Variants in ARMC3 observed in about 807,000 individuals in gnomAD.
ARMC3 encodes armadillo repeat-containing protein 3.
A neutral mutation model predicts 90.3 loss-of-function variants in ARMC3; 74 were observed. The ratio of observed to expected loss-of-function variants is 0.82; its 90% CI spans 0.68 to 0.99. ARMC3 has a LOEUF of 0.99. Ranked by LOEUF, ARMC3 falls within the 50% of genes least tolerant of loss-of-function variation. The pLI is 0.00. For synonymous variants in ARMC3, 334 were observed against 361.8 expected, an observed-to-expected ratio of 0.92 and a Z score of 0.87; for missense variants, 958 against 1,042.8, an observed-to-expected ratio of 0.92 and a Z score of 1.12.
chr10:23,009,038 A>G, intron 16 of ARMC3, 107 bp downstream of exon 16: 1 of 775,758 alleles, frequency 1.3e-6, no homozygotes, highest in Non-Finnish European at 2.1e-6. Context: ...GAACCAGGCA[A>G]GACTCATGAG....
intron 16 of ARMC3, among the ~76,000 whole-genome samples, chr10:23,027,930 C>T (rs564670302): frequency 6.6e-6 from 1 of 152,150 alleles, no homozygotes; most frequent in East Asian, 1.9e-4. Context: ...CGCTTGAGCT[C>T]AGGAGTTGGA....
At position 22,998,295 on chromosome 10, in the gene ARMC3, G is replaced by A. The variant is rs145890690; in HGVS notation, c.1323G>A (p.Met441Ile). The A allele has an allele frequency of 4.4e-5, 71 of 1,612,526 alleles. No individual in the cohort carries two copies. Among genetic ancestry groups the A allele is most frequent in the Non-Finnish European group, 5.9e-5 (69 of 1,179,270 alleles). Residue 441 changes from methionine (M) to isoleucine (I), a missense_variant, in exon 11 of 19, where the codon ATG becomes ATA. Physicochemically the swap from Met to Ile is conservative, Grantham distance 10 (BLOSUM62 1). Coordinates refer to ENST00000298032, the MANE Select transcript of ARMC3 (RefSeq NM_173081.5). ...LRLNIQNHDI[M>I]HAIISPLRSA... Reference sequence around the variant, plus strand: ...TGAACATACAGAATCACGACATCATGCATGCCATCATCAGCCCACTGCGTT... The same window carrying A: ...TGAACATACAGAATCACGACATCATACATGCCATCATCAGCCCACTGCGTT...
chr10:23,012,766 T>G (rs999857278), intron 16 of ARMC3, among the ~76,000 whole-genome samples: 2 of 145,064 alleles, frequency 1.4e-5, no homozygotes, highest in African/African-American at 5.4e-5. Context: ...ACTTCCCTAG[T>G]TCAGGCCTTT....
chr10:23,002,179 CA>C lies in ARMC3; in HGVS notation c.1562+125del. 2.2e-6 allele frequency: 3 copies of C among 1,382,838 alleles called. No individual in the cohort carries two copies. The South Asian group carries it at 4.6e-5, about 21-fold the overall frequency. 85.7% of individuals were successfully genotyped at this position (1,382,838 alleles called of 1,614,324 possible). A position where few individuals can be genotyped will look rare whatever the true frequency, so the allele number is the denominator to read the frequency against. On this transcript the variant is annotated intron_variant, in intron 12 of 18. Transcript: ENST00000298032. The stretch of plus-strand genomic sequence containing the variant: ...GCTCTCTCAGTCCGCTGAAGCGCTG[CA>C]TGTCCCCAGGGCGGGCCTTGGCTTG...
intron 6 of ARMC3, chr10:22,961,641 TAGATA>T (rs1835196453): frequency 2.6e-6 from 1 of 390,746 alleles, no homozygotes; most frequent in Non-Finnish European, 4.5e-6. Context: ...TAATAAACAA[TAGATA>T]AAAGTCATAG....
intron 7 of ARMC3, among the ~76,000 whole-genome samples, chr10:22,963,659 A>G (rs1271722496): frequency 2.0e-5 from 3 of 152,090 alleles, no homozygotes; most frequent in Non-Finnish European, 4.4e-5. Flanking sequence ...TGGGAGGCTG[A>G]GGTGGGTGGA....
chr10:22,941,640 C>G (rs1011567725), intron 2 of ARMC3, among the ~76,000 whole-genome samples: 1 of 152,022 alleles, frequency 6.6e-6, no homozygotes, highest in African/African-American at 2.4e-5. Context: ...TAGGGATTGG[C>G]CTTGGATATT....
Position 23,006,914 on chromosome 10 carries a change from A to T in ARMC3, c.1762A>T (p.Lys588Ter). ...TCCCGGCACCAAACTGTTGCCTTTG[A>T]AGGAGCTCTGCTTACAAGAACCAAG... ...INPGTKLLPL[K>*]ELCLQEPSDL... is the part of the protein sequence containing the mutation. Residue 588 changes from lysine (K) to a stop codon, truncating the protein, a stop_gained, in exon 14 of 19, where the codon AAG becomes TAG. Coordinates refer to ENST00000298032, the MANE Select transcript of ARMC3 (RefSeq NM_173081.5). LOFTEE classifies it high-confidence loss of function. 2 of 1,614,082 alleles carry T rather than the reference A, an allele frequency of 1.2e-6. No individual in the cohort carries two copies. Among genetic ancestry groups the T allele is most frequent in the Non-Finnish European group, 8.5e-7 (1 of 1,179,980 alleles).
chr10:22,966,213 C>T (rs995824207), intron 7 of ARMC3, among the ~76,000 whole-genome samples: 1 of 152,142 alleles, frequency 6.6e-6, no homozygotes, highest in Non-Finnish European at 1.5e-5. Context: ...TGGAGTTCTC[C>T]CCAGAGCTTC....
intron 10 of ARMC3, among the ~76,000 whole-genome samples, chr10:22,983,987 G>T (rs1836299403): frequency 6.6e-6 from 1 of 152,132 alleles, no homozygotes; most frequent in African/African-American, 2.4e-5. Flanking sequence ...AAGCATCGTG[G>T]CTTTGCTGCT....
intron 6 of ARMC3, 56 bp downstream of exon 6, chr10:22,959,630 C>T (rs887489982): frequency 1.7e-5 from 25 of 1,498,308 alleles, no homozygotes; most frequent in Admixed American, 2.4e-5. Context: ...AATTTATTTT[C>T]CCATTAAAAA....
chr10:22,939,478 C>T (rs932415180), intron 2 of ARMC3, among the ~76,000 whole-genome samples: 1 of 152,108 alleles, frequency 6.6e-6, no homozygotes, highest in Non-Finnish European at 1.5e-5. Context: ...ATACCTGGGG[C>T]ATTAATAAGA....
chr10:22,961,638 C>T, intron 6 of ARMC3: 2 of 379,388 alleles, frequency 5.3e-6, no homozygotes, highest in East Asian at 5.4e-5. Context: ...GTATAATAAA[C>T]AATAGATAAA....
intron 10 of ARMC3, among the ~76,000 whole-genome samples, chr10:22,994,326 C>T (rs1000019192): frequency 5.9e-5 from 9 of 151,956 alleles, no homozygotes; most frequent in African/African-American, 1.9e-4. Context: ...CAGGAAGAGG[C>T]GGCGAGGGGC....
intron 16 of ARMC3, 25 bp from the exon 17 acceptor site, chr10:23,030,571 T>C (rs753837582): frequency 6.3e-7 from 1 of 1,594,208 alleles, no homozygotes; most frequent in South Asian, 1.1e-5. Flanking sequence ...GATGTGATTT[T>C]GATTGCCCTT....
intron 2 of ARMC3, among the ~76,000 whole-genome samples, chr10:22,938,299 T>TG (rs1356944803): frequency 6.6e-6 from 1 of 152,098 alleles, no homozygotes; most frequent in African/African-American, 2.4e-5. Flanking sequence ...AGGTGTAGGA[T>TG]GGGGTCACAA....
chr10:23,008,202 T>G (rs1837722125), intron 14 of ARMC3, 74 bp from the exon 15 acceptor site: 2 of 753,644 alleles, frequency 2.7e-6, no homozygotes, highest in South Asian at 2.2e-5. Context: ...GAAAAAAATC[T>G]GTTTCGTGGA....
chr10:22,959,141 A>G lies in ARMC3; in HGVS notation c.361+3A>G. The G allele has an allele frequency of 6.2e-7, 1 of 1,610,572 alleles. No homozygotes were observed. The highest frequency in any genetic ancestry group is 8.5e-7 in the Non-Finnish European group (1 of 1,176,774). ...CATTGCCCAGCTCGCTCCAGAAGGT[A>G]ACTTTGCATTCTATATCTGTTTTAA... On this transcript the variant is annotated splice_donor_region_variant and intron_variant, in intron 5 of 18. Transcript: ENST00000298032.
chr10:23,007,654 ACTG>A (rs1268376659), intron 14 of ARMC3, among the ~76,000 whole-genome samples: 13 of 146,582 alleles, frequency 8.9e-5, no homozygotes, highest in Non-Finnish European at 1.8e-4. Context: ...CTGAGATTGC[ACTG>A]CCACTGCACT....
Sources: gnomAD v4.1 joint callset for allele counts (sites outside exome capture counted in the v4.1 genomes callset) on GRCh38, gnomAD v4.1.1 for gene constraint, MANE v1.5 for transcripts, NCBI Gene and HGNC (gene_info 2026-07-23, HGNC 2026-07-21) for gene names.